ARL15: variants seen among roughly 807,000 people sequenced by gnomAD.
The protein encoded by ARL15 is ADP-ribosylation factor-like protein 15.
In ARL15, 19 loss-of-function variants were observed where a neutral mutation model predicts 25.2. That is an observed-to-expected ratio of 0.75 (90% CI 0.53 to 1.10). The LOEUF (loss-of-function observed/expected upper bound fraction) is 1.10. ARL15 is among the 50% of genes least tolerant of loss of function. ARL15 has a pLI of 0.00. For synonymous variants in ARL15, 94 were observed against 86.8 expected (o/e 1.08, Z -0.46); for missense variants, 220 against 246.0 (o/e 0.89, Z 0.71).
chr5:54,027,047 C>T (rs1273937372), intron 4 of ARL15, among the ~76,000 whole-genome samples: 2 of 152,164 alleles, frequency 1.3e-5, no homozygotes, highest in Non-Finnish European at 2.9e-5. Context: ...TTGCGACTAA[C>T]TAAAGTGCAT....
intron 4 of ARL15, among the ~76,000 whole-genome samples, chr5:53,940,561 A>G (rs1446514227): frequency 6.6e-6 from 1 of 152,168 alleles, no homozygotes; most frequent in Non-Finnish European, 1.5e-5. Flanking sequence ...TTCACTCATT[A>G]TGCATGTTCT....
chr5:54,003,179 G>A (rs952653649), intron 4 of ARL15, among the ~76,000 whole-genome samples: 34 of 152,082 alleles, frequency 2.2e-4, no homozygotes, highest in African/African-American at 8.2e-4. Flanking sequence ...AGCTCATTTT[G>A]GAAGTTACAA....
chr5:53,890,321 G>A (rs1341330889), intron 4 of ARL15, among the ~76,000 whole-genome samples: 1 of 151,378 alleles, frequency 6.6e-6, no homozygotes, highest in Non-Finnish European at 1.5e-5. Flanking sequence ...TATTTTTAAG[G>A]TTTAAAAAAA....
At chr5:54,230,317 G>A in intron 1 of ARL15, among the ~76,000 whole-genome samples, 1 of 136,900 alleles carries the variant, frequency 7.3e-6, no homozygotes, top group Non-Finnish European at 1.5e-5. Flanking sequence ...CTGCACTCCA[G>A]CCTGGAGACA....
At chr5:54,255,387 T>C (rs1311140099) in intron 1 of ARL15, among the ~76,000 whole-genome samples, 1 of 152,156 alleles carries the variant, frequency 6.6e-6, no homozygotes, top group Non-Finnish European at 1.5e-5. Flanking sequence ...ATAAAAAATT[T>C]TAATTCACTG....
At chr5:54,303,869 T>C (rs1483214947) in intron 1 of ARL15, among the ~76,000 whole-genome samples, 1 of 151,980 alleles carries the variant, frequency 6.6e-6, no homozygotes. Flanking sequence ...CCTGAAAATC[T>C]ATATGTGGTC....
rs556698707 is a variant in ARL15 at position 54,269,631 on chromosome 5, G to A, written c.48+40801C>T. On this transcript the variant is annotated intron_variant, in intron 1 of 4. Coordinates refer to ENST00000504924, the MANE Select transcript of ARL15 (RefSeq NM_019087.3). ...ATATTTTTATTTACACAACATAGAG[G>A]ATTTTTTAATTTTTTTATTTTTAAT... Among the ~76,000 whole-genome samples the A allele has an allele frequency of 5.9e-5, 9 of 152,176 alleles. 1 individual carries two copies. In the Middle Eastern group the frequency reaches 0.02, roughly 345 times the overall value.
intron 1 of ARL15, among the ~76,000 whole-genome samples, chr5:54,178,365 T>C (rs277334): frequency 0.92 from 140,623 of 152,202 alleles, 65,063 homozygotes; most frequent in East Asian, 0.99. Flanking sequence ...TTGGGACTTC[T>C]CCACAGCCAG....
At chr5:54,082,787 A>G (rs1310966178) in intron 4 of ARL15, among the ~76,000 whole-genome samples, 2 of 150,374 alleles carry the variant, frequency 1.3e-5, no homozygotes, top group Non-Finnish European at 3.0e-5. Flanking sequence ...TAGAGGGGGG[A>G]AAATTAGATG....
At chr5:54,065,333 C>T (rs1383327847) in intron 4 of ARL15, among the ~76,000 whole-genome samples, 1 of 152,216 alleles carries the variant, frequency 6.6e-6, no homozygotes, top group African/African-American at 2.4e-5. Context: ...CCACTAGCTA[C>T]ATCAGGCTAT....
intron 4 of ARL15, among the ~76,000 whole-genome samples, chr5:53,891,473 A>C (rs271245): frequency 0.88 from 133,589 of 152,150 alleles, 60,379 homozygotes; most frequent in Non-Finnish European, 1. Flanking sequence ...ATTGCTAGAA[A>C]TGAAAACAAC....
At chr5:54,293,293 A>G (rs1397398755) in intron 1 of ARL15, among the ~76,000 whole-genome samples, 4 of 152,248 alleles carry the variant, frequency 2.6e-5, no homozygotes, top group Non-Finnish European at 5.9e-5. Context: ...AACCATGTCT[A>G]AAGGCAGTTT....
intron 4 of ARL15, among the ~76,000 whole-genome samples, chr5:53,982,342 C>A (rs1694061): frequency 1.4e-5 from 2 of 146,860 alleles, no homozygotes; most frequent in Admixed American, 6.8e-5. Context: ...CCTACCCCCC[C>A]ACCCCCTGAC....
intron 4 of ARL15, among the ~76,000 whole-genome samples, chr5:54,054,785 G>A (rs560295692): frequency 3.3e-5 from 5 of 151,984 alleles, no homozygotes; most frequent in Non-Finnish European, 5.9e-5. Context: ...GAGAGACTCC[G>A]TCTCAAAAAA....
chr5:53,910,638 TA>T (rs1233200062), intron 4 of ARL15, among the ~76,000 whole-genome samples: 1 of 33,490 alleles, frequency 3.0e-5, no homozygotes, highest in Non-Finnish European at 9.6e-5. Context: ...AAAAATTATA[TA>T]TATATATATA....
At chr5:54,158,127 G>A (rs556994041) in intron 2 of ARL15, among the ~76,000 whole-genome samples, 174 of 152,154 alleles carry the variant, frequency 1.1e-3, no homozygotes, top group Non-Finnish European at 1.0e-3. Context: ...ATTTAGGAGG[G>A]ATACCAAAGG....
chr5:53,901,229 T>A (rs1272200556), intron 4 of ARL15, among the ~76,000 whole-genome samples: 2 of 152,216 alleles, frequency 1.3e-5, no homozygotes, highest in Non-Finnish European at 2.9e-5. Context: ...ATTTTTGGTA[T>A]CAAGCACTTT....
At chr5:54,131,592 T>C (rs1208477717) in intron 3 of ARL15, among the ~76,000 whole-genome samples, 1 of 152,204 alleles carries the variant, frequency 6.6e-6, no homozygotes, top group Non-Finnish European at 1.5e-5. Context: ...TTTTGTACCA[T>C]TGTTACTTAT....
chr5:53,912,378 G>A (rs906253145), intron 4 of ARL15, among the ~76,000 whole-genome samples: 1 of 152,042 alleles, frequency 6.6e-6, no homozygotes, highest in African/African-American at 2.4e-5. Context: ...CAAAAAAACG[G>A]TTTTCAATGA....
Sources: allele counts gnomAD v4.1 joint callset (sites outside exome capture counted in the v4.1 genomes callset), GRCh38; gene constraint gnomAD v4.1.1; transcripts MANE v1.5; gene names NCBI Gene and HGNC (gene_info 2026-07-23, HGNC 2026-07-21).